Variants in VPS13B observed in about 807,000 individuals in gnomAD.
The protein encoded by VPS13B is vacuolar protein sorting 13 homolog B.
A neutral mutation model predicts 426.4 loss-of-function variants in VPS13B; 285 were observed. The ratio of observed to expected loss-of-function variants is 0.67; its 90% CI spans 0.61 to 0.74. The LOEUF is 0.74. VPS13B is among the 30% of genes least tolerant of loss of function. The probability of loss-of-function intolerance (pLI) is 0.00; values close to 1 mark genes in which losing one functional copy is unlikely to be tolerated. For synonymous variants in VPS13B, 1,676 were observed against 1,676.4 expected, an observed-to-expected ratio of 1.00 and a Z score of 0.01; for missense variants, 4,537 against 4,782.6, an observed-to-expected ratio of 0.95 and a Z score of 1.51.
intron 34 of VPS13B, among the ~76,000 whole-genome samples, chr8:99,654,865 A>C (rs959060255): frequency 1.7e-4 from 26 of 152,100 alleles, no homozygotes; most frequent in African/African-American, 6.0e-4. Flanking sequence ...AAGCCAAAAA[A>C]AAAAAAAACT....
At chr8:99,575,863 T>G in intron 32 of VPS13B, 79 bp downstream of exon 32, 1 of 1,462,948 alleles carries the variant, frequency 6.8e-7, no homozygotes, top group South Asian at 1.2e-5. Flanking sequence ...TGCCACAGTT[T>G]CAGCCCATAG....
At chr8:99,697,225 A>G in intron 35 of VPS13B, 1 of 571,744 alleles carries the variant, frequency 1.7e-6, no homozygotes. Context: ...GTAAAGCTGG[A>G]GGTCACGCTG....
chr8:99,873,461 G>A (rs1300734787), intron 61 of VPS13B, among the ~76,000 whole-genome samples: 2 of 152,146 alleles, frequency 1.3e-5, no homozygotes, highest in Non-Finnish European at 2.9e-5. Context: ...GCTGAAAGAG[G>A]GTTGGGATTA....
chr8:99,229,673 A>C (rs1279866609), intron 17 of VPS13B, among the ~76,000 whole-genome samples: 1 of 152,166 alleles, frequency 6.6e-6, no homozygotes, highest in Non-Finnish European at 1.5e-5. Context: ...CCTTGGCTTA[A>C]AGGAGAGATA....
At chr8:99,621,167 T>G (rs1451640348) in intron 33 of VPS13B, among the ~76,000 whole-genome samples, 1 of 152,188 alleles carries the variant, frequency 6.6e-6, no homozygotes, top group Non-Finnish European at 1.5e-5. Flanking sequence ...GTCACTGTTC[T>G]GCTGCTGACT....
At chr8:99,502,770 A>C in intron 26 of VPS13B, 66 bp from the exon 27 acceptor site, 3 of 1,227,644 alleles carry the variant, frequency 2.4e-6, no homozygotes, top group Non-Finnish European at 3.6e-6. Context: ...TGTGAAATGT[A>C]AAATAGAAAG....
rs1824575477 is a variant in VPS13B at position 99,556,535 on chromosome 8, A to G, written c.4831A>G (p.Ile1611Val). Residue 1611 changes from isoleucine to valine, a missense_variant, in exon 31 of 62, where the codon ATT becomes GTT. Physicochemically the swap from Ile to Val is conservative, Grantham distance 29. This residue lies in a region of VPS13B where 4,311 missense variants were observed against 4,474.3 expected (regional missense o/e 0.96). Transcript: ENST00000357162. ...CCAAATAGATCTGCAGTCCATCAAT[A>G]TTGGTACTGCACAGTGGCATCAACT... is the stretch of plus-strand genomic sequence containing the variant. ...QYQIDLQSIN[I>V]GTAQWHQLKP... The G allele has an allele frequency of 6.2e-7, 1 of 1,613,278 alleles. No individual in the cohort carries two copies. The highest frequency in any genetic ancestry group is 8.5e-7 in the Non-Finnish European group (1 of 1,179,510).
intron 22 of VPS13B, among the ~76,000 whole-genome samples, chr8:99,435,738 A>G (rs1476869844): frequency 6.6e-6 from 1 of 152,198 alleles, no homozygotes; most frequent in Non-Finnish European, 1.5e-5. Flanking sequence ...GAATCAAGGA[A>G]CAGAGTCTAA....
Position 99,597,347 on chromosome 8 carries a change from T to C in VPS13B, c.5220+19714T>C, listed in dbSNP as rs79258659. Reference sequence around the variant, plus strand: ...TTTCCTGTAGTTAAATAAGTTTAGGTATAATACTGAAGCTTTCATTGTTCA... The same window carrying C: ...TTTCCTGTAGTTAAATAAGTTTAGGCATAATACTGAAGCTTTCATTGTTCA... On this transcript the variant is annotated intron_variant, in intron 33 of 61. Coordinates refer to ENST00000357162, the MANE Select transcript of VPS13B (RefSeq NM_152564.5). Among the ~76,000 whole-genome samples the C allele has an allele frequency of 7.8e-3, 1,179 of 152,094 alleles. 10 individuals carry two copies. Among genetic ancestry groups the C allele is most frequent in the African/African-American group, 0.02 (849 of 41,508 alleles).
intron 39 of VPS13B, among the ~76,000 whole-genome samples, chr8:99,727,223 C>CATT (rs1362738473): frequency 1.3e-5 from 2 of 152,042 alleles, no homozygotes; most frequent in African/African-American, 2.4e-5. Context: ...TGAGATGATA[C>CATT]ATTAGAATGA....
intron 35 of VPS13B, among the ~76,000 whole-genome samples, chr8:99,678,818 CA>C (rs1831044914): frequency 6.6e-6 from 1 of 152,080 alleles, no homozygotes; most frequent in African/African-American, 2.4e-5. Flanking sequence ...ATTGCTCATT[CA>C]AAAAAGCAGG....
At chr8:99,022,096 G>C (rs1320322047) in intron 2 of VPS13B, among the ~76,000 whole-genome samples, 3 of 151,348 alleles carry the variant, frequency 2.0e-5, no homozygotes, top group African/African-American at 7.3e-5. Context: ...TTTTTGAATT[G>C]TACTTGTGCT....
At chr8:99,786,888 C>G (rs1812298905) in intron 43 of VPS13B, among the ~76,000 whole-genome samples, 1 of 152,134 alleles carries the variant, frequency 6.6e-6, no homozygotes, top group South Asian at 2.1e-4. Flanking sequence ...TCATTACATT[C>G]ACAGTTGAAA....
chr8:99,500,129 A>G (rs891571583), intron 25 of VPS13B, among the ~76,000 whole-genome samples: 2 of 152,140 alleles, frequency 1.3e-5, no homozygotes, highest in Non-Finnish European at 2.9e-5. Context: ...TTCTGCTCTG[A>G]CAACCTGTCT....
At chr8:99,028,917 C>T (rs1251983031) in intron 2 of VPS13B, among the ~76,000 whole-genome samples, 5 of 109,678 alleles carry the variant, frequency 4.6e-5, no homozygotes, top group South Asian at 7.4e-4. Flanking sequence ...GGCTGCCGGG[C>T]GGAGACGCTC....
chr8:99,440,012 A>T (rs1326026570), intron 22 of VPS13B, among the ~76,000 whole-genome samples: 2 of 152,168 alleles, frequency 1.3e-5, no homozygotes, highest in African/African-American at 4.8e-5. Flanking sequence ...GTTTATCTTC[A>T]GTATATGATA....
At chr8:99,745,928 G>T (rs1381306832) in intron 39 of VPS13B, among the ~76,000 whole-genome samples, 1 of 151,994 alleles carries the variant, frequency 6.6e-6, no homozygotes, top group Middle Eastern at 3.4e-3. Flanking sequence ...TTCCCCTATT[G>T]TCTCACAAAT....
intron 29 of VPS13B, among the ~76,000 whole-genome samples, chr8:99,516,660 G>A (rs1822086515): frequency 3.3e-5 from 5 of 151,208 alleles, no homozygotes; most frequent in Admixed American, 3.3e-4. Context: ...TGGTGGCCCG[G>A]GCTTGTAGTC....
chr8:99,174,355 G>A (rs1486920751), intron 16 of VPS13B, among the ~76,000 whole-genome samples: 1 of 152,150 alleles, frequency 6.6e-6, no homozygotes, highest in Admixed American at 6.5e-5. Flanking sequence ...TGGAATTGCT[G>A]TATCATATGG....
Sources: gnomAD v4.1 joint callset for allele counts (sites outside exome capture counted in the v4.1 genomes callset) on GRCh38, gnomAD v4.1.1 for gene constraint, gnomAD v4.1.1 regional missense constraint, MANE v1.5 for transcripts, NCBI Gene and HGNC (gene_info 2026-07-23, HGNC 2026-07-21) for gene names.